FIP1L1: variants seen among roughly 807,000 people sequenced by gnomAD.
FIP1L1 encodes pre-mRNA 3'-end-processing factor FIP1.
Under a neutral mutation model 84.6 loss-of-function variants are expected in FIP1L1, and 21 were observed. That is an observed-to-expected ratio of 0.25 (90% CI 0.18 to 0.36). FIP1L1 has a LOEUF of 0.36. FIP1L1 is among the 10% of genes least tolerant of loss of function. FIP1L1 has a pLI of 1.00. For synonymous variants in FIP1L1, 263 were observed against 242.3 expected, an observed-to-expected ratio of 1.09 and a Z score of -0.80; for missense variants, 526 against 751.1, an observed-to-expected ratio of 0.70 and a Z score of 3.50.
intron 13 of FIP1L1, among the ~76,000 whole-genome samples, chr4:53,436,209 A>C (rs1220302290): frequency 6.6e-6 from 1 of 152,196 alleles, no homozygotes; most frequent in Non-Finnish European, 1.5e-5. Flanking sequence ...TTAAAACAAC[A>C]TACATTTATT....
At chr4:53,381,753 C>CTTTTTTTTTTTTTTTTTT (rs531488760) in intron 3 of FIP1L1, among the ~76,000 whole-genome samples, 1,342 of 87,812 alleles carry the variant, frequency 0.015, 215 homozygotes, top group Non-Finnish European at 0.019. Flanking sequence ...CATTTGCATT[C>CTTTTTTTTTTTTTTTTTT]TTTTTTTTTT....
At chr4:53,447,382 G>A (rs2150317327) in intron 15 of FIP1L1, among the ~76,000 whole-genome samples, 1 of 152,046 alleles carries the variant, frequency 6.6e-6, no homozygotes, top group East Asian at 1.9e-4. Flanking sequence ...CCATTCTACT[G>A]TGGTAAAATG....
intron 3 of FIP1L1, among the ~76,000 whole-genome samples, chr4:53,382,004 C>T (rs1451510250): frequency 6.6e-6 from 1 of 151,480 alleles, no homozygotes; most frequent in East Asian, 1.9e-4. Flanking sequence ...TTCCTGACCT[C>T]GTGATCCACC....
Position 53,382,334 on chromosome 4 carries a change from C to A in FIP1L1, c.227C>A (p.Pro76Gln). The change falls in exon 4 of 18, where the codon CCG becomes CAG. Residue 76 changes from proline to glutamine, a missense_variant and splice_region_variant. This residue lies in a region of FIP1L1 where 100 missense variants were observed against 107.2 expected (regional missense o/e 0.93). Transcript: ENST00000337488. ...ACTGCTGAAAATGGTGTACCAAAAC[C>A]GGTAACATAAGGCTTTGAAATCCAG... ...DETAENGVPK[P>Q]KVTETEDDSD... 6.2e-7 allele frequency: 1 copy of A among 1,611,772 alleles called. No individual in the cohort carries two copies.
chr4:53,383,399 C>A (rs1285881179), intron 4 of FIP1L1, among the ~76,000 whole-genome samples: 1 of 152,108 alleles, frequency 6.6e-6, no homozygotes, highest in African/African-American at 2.4e-5. Context: ...TGGTGGCTCA[C>A]GCCTGTAATT....
intron 11 of FIP1L1, among the ~76,000 whole-genome samples, chr4:53,422,561 G>A (rs1208724486): frequency 6.6e-6 from 1 of 151,876 alleles, no homozygotes; most frequent in East Asian, 1.9e-4. Context: ...GCGCATAGTA[G>A]GTGCTCCATA....
chr4:53,399,478 A>G (rs2149484466), intron 9 of FIP1L1, among the ~76,000 whole-genome samples: 1 of 152,352 alleles, frequency 6.6e-6, no homozygotes, highest in Middle Eastern at 3.4e-3. Flanking sequence ...CAAAGAATTA[A>G]CAGTTTATTC....
chr4:53,396,093 ATTT>A (rs1430238883), intron 9 of FIP1L1, among the ~76,000 whole-genome samples: 6 of 151,720 alleles, frequency 4.0e-5, no homozygotes, highest in Non-Finnish European at 7.4e-5. Context: ...TGTTTTTTGT[ATTT>A]TTAGTAGAGA....
chr4:53,451,743 TA>T (rs951051893), intron 15 of FIP1L1, among the ~76,000 whole-genome samples: 3 of 151,954 alleles, frequency 2.0e-5, no homozygotes, highest in South Asian at 2.1e-4. Context: ...TCTTCTTTTT[TA>T]AAAAAAACTC....
intron 10 of FIP1L1, among the ~76,000 whole-genome samples, chr4:53,409,916 G>A (rs1179754482): frequency 6.6e-6 from 1 of 152,244 alleles, no homozygotes; most frequent in Non-Finnish European, 1.5e-5. Context: ...GACTAGGAAA[G>A]GGAACTCCCT....
At chr4:53,378,842 A>C (rs559162841) in intron 1 of FIP1L1, 46 of 543,200 alleles carry the variant, frequency 8.5e-5, no homozygotes, top group African/African-American at 8.3e-4. Context: ...GTCCTTGATG[A>C]TGTGACTTTG....
chr4:53,425,081 A>G (rs1222133598), intron 11 of FIP1L1, among the ~76,000 whole-genome samples: 1 of 152,116 alleles, frequency 6.6e-6, no homozygotes, highest in African/African-American at 2.4e-5. Flanking sequence ...TGAAATATAG[A>G]TGAAGAGAAA....
intron 9 of FIP1L1, 117 bp from the exon 10 acceptor site, chr4:53,399,613 G>T (rs1049588373): frequency 3.0e-6 from 2 of 662,526 alleles, no homozygotes; most frequent in Non-Finnish European, 5.2e-6. Context: ...TTCAGCAAAG[G>T]AACATTCTTA....
intron 13 of FIP1L1, among the ~76,000 whole-genome samples, chr4:53,435,706 A>G (rs1463245523): frequency 6.6e-6 from 1 of 152,114 alleles, no homozygotes; most frequent in African/African-American, 2.4e-5. Flanking sequence ...TCTTTTCTTA[A>G]AAATAACTTA....
chr4:53,453,238 C>T, intron 16 of FIP1L1, 105 bp downstream of exon 16: 2 of 1,301,566 alleles, frequency 1.5e-6, no homozygotes, highest in Non-Finnish European at 1.1e-6. Flanking sequence ...AAGAGATGCT[C>T]AGGGAGTACA....
intron 13 of FIP1L1, among the ~76,000 whole-genome samples, chr4:53,437,687 G>A (rs1322217540): frequency 1.3e-5 from 2 of 151,312 alleles, no homozygotes; most frequent in African/African-American, 4.8e-5. Context: ...TCTCATGCAT[G>A]TTCAAGGTAG....
chr4:53,397,987 T>G (rs2149468372), intron 9 of FIP1L1, among the ~76,000 whole-genome samples: 1 of 152,340 alleles, frequency 6.6e-6, no homozygotes, highest in South Asian at 2.1e-4. Context: ...GTGTCAACTC[T>G]GAATATTCCT....
At chr4:53,389,970 G>T in intron 6 of FIP1L1, 97 bp downstream of exon 6, 1 of 870,326 alleles carries the variant, frequency 1.1e-6, no homozygotes, top group South Asian at 1.7e-5. Context: ...ACAGAGTCTG[G>T]CTCTGTCACT....
At chr4:53,379,934 A>T (rs2149244849) in intron 3 of FIP1L1, among the ~76,000 whole-genome samples, 1 of 152,344 alleles carries the variant, frequency 6.6e-6, no homozygotes, top group Middle Eastern at 3.4e-3. Flanking sequence ...TTTAAGGAAT[A>T]TTTGGGTTTA....
Sources: allele counts gnomAD v4.1 joint callset (sites outside exome capture counted in the v4.1 genomes callset), GRCh38; gene constraint gnomAD v4.1.1; regional missense constraint gnomAD v4.1.1; transcripts MANE v1.5; gene names NCBI Gene and HGNC (gene_info 2026-07-23, HGNC 2026-07-21).